PSG6: variants seen among roughly 807,000 people sequenced by gnomAD.
PSG6 encodes pregnancy specific beta-1-glycoprotein 6.
Under a neutral mutation model 43.3 loss-of-function variants are expected in PSG6, and 51 were observed. The ratio of observed to expected loss-of-function variants is 1.18; its 90% CI spans 0.94 to 1.49. PSG6 has a LOEUF of 1.49. PSG6 is among the 40% of genes most tolerant of loss of function. The probability of loss-of-function intolerance (pLI) is 0.00; values close to 1 mark genes in which losing one functional copy is unlikely to be tolerated. For synonymous variants in PSG6, 292 were observed against 197.6 expected (o/e 1.48, Z -4.01); for missense variants, 770 against 522.2 (o/e 1.47, Z -4.62).
chr19:42,913,323 T>G (rs776419258), intron 2 of PSG6, among the ~76,000 whole-genome samples: 6 of 151,594 alleles, frequency 4.0e-5, no homozygotes, highest in African/African-American at 1.5e-4. Flanking sequence ...GCTAATTTTT[T>G]GTATTTTTAG....
intron 2 of PSG6, among the ~76,000 whole-genome samples, chr19:42,914,459 T>TGGCAGTG (rs1418659274): frequency 2.1e-5 from 3 of 145,880 alleles, no homozygotes; most frequent in African/African-American, 7.7e-5. Flanking sequence ...AGAGACACCA[T>TGGCAGTG]GGCAGTGAGC....
In PSG6 at chr19:42,911,339, A is replaced by G. The variant is rs759590803; in HGVS notation, c.428-481T>C. On this transcript the variant is annotated intron_variant, in intron 2 of 5. Coordinates refer to ENST00000187910, the MANE Select transcript of PSG6 (RefSeq NM_001031850.4). The stretch of plus-strand genomic sequence containing the variant: ...ATTGTCCTTAAGCCCTTTGGGTATT[A>G]GAAAGCCTGGCCTGGAACTGGGTAC... Among the ~76,000 whole-genome samples, 32 of 151,682 alleles carry G rather than the reference A, an allele frequency of 2.1e-4. 1 individual carries two copies. The highest frequency in any genetic ancestry group is 3.9e-4 in the East Asian group (2 of 5,164).
intron 2 of PSG6, among the ~76,000 whole-genome samples, chr19:42,914,305 C>G (rs541209245): frequency 9.3e-5 from 14 of 151,204 alleles, no homozygotes; most frequent in Non-Finnish European, 1.9e-4. Context: ...ACAGTGTTAG[C>G]GGGAAGGGAA....
At chr19:42,913,307 T>A (rs1466037642) in intron 2 of PSG6, among the ~76,000 whole-genome samples, 2 of 151,522 alleles carry the variant, frequency 1.3e-5, no homozygotes, top group Admixed American at 1.3e-4. Context: ...ACCACCACCA[T>A]GCCCAGCTAA....
chr19:42,917,363 CTTTTTTTT>C (rs35188962), intron 1 of PSG6, among the ~76,000 whole-genome samples: 21 of 123,342 alleles, frequency 1.7e-4, no homozygotes, highest in Admixed American at 4.2e-4. Context: ...TCTTTTTATT[CTTTTTTTT>C]TTTTTTTTTT....
chr19:42,910,934 G>A, intron 2 of PSG6, 76 bp from the exon 3 acceptor site: 2 of 1,533,508 alleles, frequency 1.3e-6, no homozygotes, highest in Non-Finnish European at 1.8e-6. Flanking sequence ...AATCAGAGTT[G>A]GCATTTCCAA....
chr19:42,906,633 T>A (rs1063020), intron 5 of PSG6: 3 of 1,380,458 alleles, frequency 2.2e-6, no homozygotes, highest in Non-Finnish European at 2.9e-6. Context: ...TCTTGAGGAC[T>A]CTCCTTCTTG....
chr19:42,904,417 A>G (rs1972081544), intron 5 of PSG6, among the ~76,000 whole-genome samples: 1 of 151,722 alleles, frequency 6.6e-6, no homozygotes, highest in African/African-American at 2.4e-5. Flanking sequence ...GAACAAACCT[A>G]TTAGAATTAA....
At position 42,913,843 on chromosome 19, in the gene PSG6, G is replaced by C. The variant is rs574201471; in HGVS notation, c.427+2282C>G. Among the ~76,000 whole-genome samples, 42 of 151,462 alleles carry C rather than the reference G, an allele frequency of 2.8e-4. 1 individual carries two copies. Among genetic ancestry groups the C allele is most frequent in the South Asian group, 8.5e-4 (4 of 4,712 alleles). On this transcript the variant is annotated intron_variant, in intron 2 of 5. Transcript: ENST00000187910. ...ACTAACAGATCATTTCCCTCCGCCC[G>C]CATGATTCCATCACCAATCAGCAGT...
rs201971735 is a variant in PSG6 at position 42,910,755 on chromosome 19, G to A, written c.531C>T (p.Tyr177=). The A allele has an allele frequency of 1.2e-4, 192 of 1,612,348 alleles. 4 individuals are homozygous for A. Among genetic ancestry groups the A allele is most frequent in the Non-Finnish European group, 1.5e-4 (173 of 1,179,246 alleles). The change falls in exon 3 of 6, where the codon TAC becomes TAT. Residue 177 remains tyrosine, a synonymous_variant. Transcript: ENST00000187910. ...GGTTCTGACCATTCAGCAACCACAG[G>A]TAGCTTGCATCCGGAGTCTCAGGAT... is the stretch of plus-strand genomic sequence containing the variant. ...ICDPETPDAS[Y]LWLLNGQNLP...
intron 5 of PSG6, among the ~76,000 whole-genome samples, chr19:42,906,479 C>A (rs1439936461): frequency 6.6e-6 from 1 of 151,464 alleles, no homozygotes. Context: ...CCTCCCTCAC[C>A]CAAAGGGCTT....
intron 2 of PSG6, among the ~76,000 whole-genome samples, chr19:42,911,142 C>T (rs1361353171): frequency 6.6e-6 from 1 of 151,602 alleles, no homozygotes; most frequent in African/African-American, 2.4e-5. Flanking sequence ...CCCCTGGTGC[C>T]TCTCTGAGTC....
Position 42,902,296 on chromosome 19 carries a change from A to T in PSG6, c.*116T>A, listed in dbSNP as rs984941885. On this transcript the variant is annotated 3_prime_UTR_variant, in exon 6 of 6. Transcript: ENST00000187910. ...CACATTTTCCAATAAAAAATTATGAAAACATTATCCTTTTGATTATTTAGT... is the reference window on the plus strand; with the variant it reads ...CACATTTTCCAATAAAAAATTATGATAACATTATCCTTTTGATTATTTAGT... 25 of 1,255,684 alleles carry T rather than the reference A, an allele frequency of 2.0e-5. 1 individual carries two copies. Among genetic ancestry groups the T allele is most frequent in the Non-Finnish European group, 2.6e-5 (24 of 915,402 alleles). 77.8% of individuals were successfully genotyped at this position (1,255,684 alleles called of 1,614,324 possible). A position where few individuals can be genotyped will look rare whatever the true frequency, so the allele number is the denominator to read the frequency against.
rs868388018 is a variant in PSG6, at chr19:42,915,299, G to T, written c.427+826C>A. 7 of 151,906 alleles carry T rather than the reference G, an allele frequency of 4.6e-5. 1 individual carries two copies. Among genetic ancestry groups the T allele is most frequent in the Admixed American group, 1.3e-4 (2 of 15,214 alleles). The allele number at this position is 151,906 out of a possible 1,614,324, so 9.4% of individuals were successfully genotyped here. On this transcript the variant is annotated intron_variant, in intron 2 of 5. Transcript: ENST00000187910. Reference sequence around the variant, plus strand: ...AATGTTAAAGTATTCACAGTCAACTGACTTAATGCTTGGCACAGTGGAGGT... The same window carrying T: ...AATGTTAAAGTATTCACAGTCAACTTACTTAATGCTTGGCACAGTGGAGGT...
intron 2 of PSG6, chr19:42,915,477 T>C (rs1031173106): frequency 1.6e-4 from 25 of 154,084 alleles, no homozygotes; most frequent in African/African-American, 5.3e-4. Flanking sequence ...CTAGGCCTCC[T>C]AAGGCAGTTG....
intron 5 of PSG6, among the ~76,000 whole-genome samples, chr19:42,902,815 A>G (rs1030118682): frequency 1.3e-5 from 2 of 151,358 alleles, no homozygotes; most frequent in African/African-American, 4.9e-5. Context: ...AAACTAACAT[A>G]CCAGACTTGA....
At position 42,917,830 on chromosome 19, in the gene PSG6, A is replaced by C. The variant is rs1324002408; in HGVS notation, c.-38T>G. On this transcript the variant is annotated 5_prime_UTR_variant, in exon 1 of 6. Coordinates refer to ENST00000187910, the MANE Select transcript of PSG6 (RefSeq NM_001031850.4). ...CTGTGTGTTCTCCCCTGTGGAGATG[A>C]GCCTAGGATCCAGAGACTTCCTGAG... is the stretch of plus-strand genomic sequence containing the variant. 1.9e-6 allele frequency: 3 copies of C among 1,597,400 alleles called. No individual in the cohort carries two copies. In the African/African-American group the frequency reaches 4.0e-5, roughly 22 times the overall value.
At chr19:42,908,210 C>T (rs932847004) in intron 3 of PSG6, among the ~76,000 whole-genome samples, 6 of 151,546 alleles carry the variant, frequency 4.0e-5, no homozygotes, top group African/African-American at 9.7e-5. Context: ...AACTGCTGGG[C>T]CCCTTCCAAA....
At position 42,902,413 on chromosome 19, in the gene PSG6, T is replaced by G. The variant is rs764023685; in HGVS notation, c.1274A>C (p.Ter425SerextTer5). Residue 425 changes from the stop codon to serine, a stop_lost, in exon 6 of 6, where the codon TAA becomes TCA. Transcript: ENST00000187910. Reference sequence around the variant, plus strand: ...TCAGTGTCTCTATTGTGGCAGCCATTAATGAGACTCTGTCTGGTTTCCATG... The same window carrying G: ...TCAGTGTCTCTATTGTGGCAGCCATGAATGAGACTCTGTCTGGTTTCCATG... ...PCHGNQTESH* is the reference protein window; with the variant it reads ...PCHGNQTESHS 4.3e-6 allele frequency: 7 copies of G among 1,611,150 alleles called. No individual in the cohort carries two copies. The highest frequency in any genetic ancestry group is 4.2e-6 in the Non-Finnish European group (5 of 1,178,292).
Sources: allele counts gnomAD v4.1 joint callset (sites outside exome capture counted in the v4.1 genomes callset), GRCh38; gene constraint gnomAD v4.1.1; transcripts MANE v1.5; gene names NCBI Gene and HGNC (gene_info 2026-07-23, HGNC 2026-07-21).